Variants in KCTD18 observed in about 807,000 individuals in gnomAD.
The protein encoded by KCTD18 is BTB/POZ domain-containing protein KCTD18.
In KCTD18, 22 loss-of-function variants were observed where a neutral mutation model predicts 30.4. The observed-to-expected ratio is 0.72, with a 90% CI of 0.52 to 1.03. The LOEUF (loss-of-function observed/expected upper bound fraction) is 1.03. KCTD18 is among the 50% of genes least tolerant of loss of function. The pLI, the probability that KCTD18 is intolerant of heterozygous loss-of-function variation, is 0.00. For missense variants in KCTD18, 529 were observed against 547.6 expected, an observed-to-expected ratio of 0.97 and a Z score of 0.34; for synonymous variants, 186 against 209.0, an observed-to-expected ratio of 0.89 and a Z score of 0.95.
chr2:200,507,214 AT>A, intron 1 of KCTD18, 123 bp from the exon 2 acceptor site: 1 of 398,658 alleles, frequency 2.5e-6, no homozygotes, highest in Non-Finnish European at 4.4e-6. Context: ...GAATTGAAGG[AT>A]TTTATATAAT....
chr2:200,493,040 G>C, intron 6 of KCTD18, 132 bp downstream of exon 6: 7 of 606,714 alleles, frequency 1.2e-5, no homozygotes, highest in Non-Finnish European at 1.2e-5. Flanking sequence ...TTGATGGTAA[G>C]ACAGAATATT....
chr2:200,502,079 T>C (rs1463577288), intron 3 of KCTD18, among the ~76,000 whole-genome samples: 1 of 151,812 alleles, frequency 6.6e-6, no homozygotes, highest in Non-Finnish European at 1.5e-5. Context: ...TAGGTGGGAA[T>C]TGAACAATGA....
intron 6 of KCTD18, 59 bp downstream of exon 6, chr2:200,493,113 G>A: frequency 1.1e-6 from 1 of 927,216 alleles, no homozygotes; most frequent in Non-Finnish European, 1.8e-6. Flanking sequence ...CTTCACAAAG[G>A]CAGTAAAAAT....
intron 6 of KCTD18, among the ~76,000 whole-genome samples, chr2:200,492,477 T>C (rs1354993026): frequency 6.6e-6 from 1 of 152,186 alleles, no homozygotes; most frequent in African/African-American, 2.4e-5. Context: ...TGACAAGTGA[T>C]GGTTAACTAC....
At chr2:200,491,476 T>C (rs1253970482) in intron 6 of KCTD18, among the ~76,000 whole-genome samples, 2 of 152,198 alleles carry the variant, frequency 1.3e-5, no homozygotes, top group Non-Finnish European at 2.9e-5. Context: ...TTAAAATTCA[T>C]GTTAACATAT....
At chr2:200,497,728 A>C (rs888931250) in intron 5 of KCTD18, 25 bp downstream of exon 5, 1 of 1,494,146 alleles carries the variant, frequency 6.7e-7, no homozygotes, top group African/African-American at 1.4e-5. Context: ...ACCTGCTTCC[A>C]TGAAATAAAA....
In KCTD18 at chr2:200,504,800, A is replaced by T. The variant is rs999897686; in HGVS notation, c.320T>A (p.Leu107Ter). The T allele has an allele frequency of 4.3e-6, 7 of 1,614,110 alleles. No individual in the cohort carries two copies. The African/African-American group carries it at 9.3e-5, about 22-fold the overall frequency. The change falls in exon 3 of 7, where the codon TTG becomes TAG. Residue 107 changes from leucine (L) to a stop codon, truncating the protein, a stop_gained. Coordinates refer to ENST00000359878, the MANE Select transcript of KCTD18 (RefSeq NM_152387.4). LOFTEE classifies it high-confidence loss of function. Reference sequence around the variant, plus strand: ...AGAATATGTCTCCATTTCATTGGCCAAATGGTCAGACAGGCTGTATGGATA... The same window carrying T: ...AGAATATGTCTCCATTTCATTGGCCTAATGGTCAGACAGGCTGTATGGATA... ...IPYPYSLSDH[L>*]ANEMETYSLR...
chr2:200,504,457 TCA>T (rs2030045789), intron 3 of KCTD18, among the ~76,000 whole-genome samples: 1 of 70,836 alleles, frequency 1.4e-5, no homozygotes, highest in Admixed American at 1.9e-4. Context: ...AGACTCTGCC[TCA>T]AAAAAAAAAA....
chr2:200,493,315 C>G (rs779017211), intron 5 of KCTD18, 41 bp from the exon 6 acceptor site: 7 of 1,110,532 alleles, frequency 6.3e-6, no homozygotes, highest in South Asian at 6.2e-5. Context: ...CTACCATCCA[C>G]TGCAAAATGC....
intron 5 of KCTD18, 38 bp downstream of exon 5, chr2:200,497,715 T>C (rs1319354119): frequency 4.5e-6 from 6 of 1,344,136 alleles, no homozygotes; most frequent in Non-Finnish European, 6.4e-6. Flanking sequence ...TTTTTTAAAG[T>C]CCACCTGCTT....
chr2:200,491,999 AG>A (rs2087926687), intron 6 of KCTD18, among the ~76,000 whole-genome samples: 1 of 152,186 alleles, frequency 6.6e-6, no homozygotes, highest in Non-Finnish European at 1.5e-5. Context: ...GGACCTTACA[AG>A]TGCTTCTCAG....
intron 1 of KCTD18, 36 bp downstream of exon 1, chr2:200,509,592 G>A (rs2030406126): frequency 6.6e-6 from 1 of 152,258 alleles, no homozygotes; most frequent in African/African-American, 2.4e-5. Flanking sequence ...CCAGCCCTCG[G>A]GGACAATGTC....
intron 1 of KCTD18, among the ~76,000 whole-genome samples, chr2:200,508,252 G>A (rs1230579633): frequency 1.3e-5 from 2 of 152,152 alleles, no homozygotes; most frequent in East Asian, 1.9e-4. Flanking sequence ...ATCATGCCGG[G>A]CTAATTCTTG....
At chr2:200,508,980 C>T (rs186908287) in intron 1 of KCTD18, among the ~76,000 whole-genome samples, 3 of 152,344 alleles carry the variant, frequency 2.0e-5, no homozygotes, top group Admixed American at 2.0e-4. Flanking sequence ...TACAAATATA[C>T]TGTGTGTCTG....
chr2:200,508,524 A>G (rs1559188125), intron 1 of KCTD18, among the ~76,000 whole-genome samples: 2 of 152,352 alleles, frequency 1.3e-5, no homozygotes, highest in East Asian at 3.9e-4. Flanking sequence ...AATCTGCAGT[A>G]TCCACACATT....
chr2:200,505,084 T>A lies in KCTD18; in HGVS notation c.161-125A>T. On this transcript the variant is annotated intron_variant, in intron 2 of 6. Transcript: ENST00000359878. Reference sequence around the variant, plus strand: ...TTTCTTTCTCACATGAAAGTTAACATCTAGTGTTCAAATAGGTTTATGTAA... The same window carrying A: ...TTTCTTTCTCACATGAAAGTTAACAACTAGTGTTCAAATAGGTTTATGTAA... 12 of 730,026 alleles carry A rather than the reference T, an allele frequency of 1.6e-5. No homozygotes were observed. In the South Asian group the frequency reaches 2.1e-4, roughly 13 times the overall value. The allele number at this position is 730,026 out of a possible 1,614,324, so 45.2% of individuals were successfully genotyped here.
intron 2 of KCTD18, 89 bp downstream of exon 2, chr2:200,506,768 T>C (rs1449414707): frequency 1.7e-6 from 2 of 1,178,762 alleles, no homozygotes; most frequent in African/African-American, 1.5e-5. Flanking sequence ...AGTCATCTAG[T>C]ACATTTCGCT....
At chr2:200,492,139 T>A (rs1019792578) in intron 6 of KCTD18, among the ~76,000 whole-genome samples, 8 of 152,160 alleles carry the variant, frequency 5.3e-5, no homozygotes, top group African/African-American at 1.9e-4. Context: ...TCCATCTACA[T>A]CTTCCACCAG....
chr2:200,490,543 C>A lies in KCTD18; in HGVS notation c.838G>T (p.Gly280Cys). Residue 280 changes from glycine (G) to cysteine (C), a missense_variant, in exon 7 of 7, where the codon GGC becomes TGC. Transcript: ENST00000359878. ...TTAATTTGGGTACTTGTGGAAGGGC[C>A]CAAAAATCTAACTGGCTTAGGACCA... ...KTGPKPVRFL[G>C]PSTSTQIKVK... is the part of the protein sequence containing the mutation. 6.2e-7 allele frequency: 1 copy of A among 1,602,868 alleles called. No homozygotes were observed. Among genetic ancestry groups the A allele is most frequent in the Non-Finnish European group, 8.5e-7 (1 of 1,179,960 alleles).
Sources: allele counts gnomAD v4.1 joint callset (sites outside exome capture counted in the v4.1 genomes callset), GRCh38; gene constraint gnomAD v4.1.1; transcripts MANE v1.5; gene names NCBI Gene and HGNC (gene_info 2026-07-23, HGNC 2026-07-21).